Variants in TRIP13 observed in about 807,000 individuals in gnomAD.
TRIP13 encodes the protein pachytene checkpoint protein 2 homolog.
Under a neutral mutation model 54.4 loss-of-function variants are expected in TRIP13, and 25 were observed. That is an observed-to-expected ratio of 0.46 (90% CI 0.33 to 0.64). TRIP13 has a LOEUF of 0.64. Among genes scored for constraint, TRIP13 ranks in the 30% least tolerant of loss-of-function variants. The pLI is 0.02. For synonymous variants in TRIP13, 207 were observed against 207.8 expected, an observed-to-expected ratio of 1.00 and a Z score of 0.03; for missense variants, 373 against 534.2, an observed-to-expected ratio of 0.70 and a Z score of 2.97.
At position 901,431 on chromosome 5, in the gene TRIP13, G is replaced by A. The variant is rs1753987729; in HGVS notation, c.535G>A (p.Gly179Ser). The A allele has an allele frequency of 1.2e-6, 2 of 1,613,806 alleles. No homozygotes were observed. The highest frequency in any genetic ancestry group is 2.2e-5 in the East Asian group (1 of 44,880). ...ITWNRVVLLH[G>S]PPGTGKTSLC... ...CTGGAACCGGGTGGTGCTGCTCCACGGTAAATTATGCAGGCTTTTATTTGA... is the reference window on the plus strand; with the variant it reads ...CTGGAACCGGGTGGTGCTGCTCCACAGTAAATTATGCAGGCTTTTATTTGA... The change falls in exon 5 of 13, where the codon GGT becomes AGT. Residue 179 changes from glycine (G) to serine (S), a missense_variant and splice_region_variant. Gly to Ser is a moderately conservative substitution (Grantham distance 56). Coordinates refer to ENST00000166345, the MANE Select transcript of TRIP13 (RefSeq NM_004237.4).
Position 902,950 on chromosome 5 carries a change from C to G in TRIP13, c.536-1198C>G, listed in dbSNP as rs533576362. 5.5e-4 allele frequency among the ~76,000 whole-genome samples: 84 copies of G among 152,302 alleles called. 1 individual carries two copies. Among genetic ancestry groups the G allele is most frequent in the African/African-American group, 1.9e-3 (80 of 41,562 alleles). ...ATATCAGAGACTTTTAGTACTTTCA[C>G]TAATTTGCTACTGCTAGCTAAAAGG... is the stretch of plus-strand genomic sequence containing the variant. On this transcript the variant is annotated intron_variant, in intron 5 of 12. Coordinates refer to ENST00000166345, the MANE Select transcript of TRIP13 (RefSeq NM_004237.4).
In TRIP13 at chr5:908,048, G is replaced by A. The variant is rs557262120; in HGVS notation, c.733G>A (p.Ala245Thr). ...KIQDLIDDKD[A>T]LVFVLIDEVE... ...TCAGGATTTGATTGATGATAAAGAC[G>A]CCCTGGTGTTCGTGCTGATTGATGA... Residue 245 changes from alanine to threonine, a missense_variant, in exon 8 of 13, where the codon GCC becomes ACC. Ala to Thr is a moderately conservative substitution (Grantham distance 58, BLOSUM62 0). Around this residue, in one of 4 missense-constraint regions of TRIP13, gnomAD observed 119 missense variants for 223.0 expected, o/e 0.53. Coordinates refer to ENST00000166345, the MANE Select transcript of TRIP13 (RefSeq NM_004237.4). This position sits in a 1 kb window ranked among gnomAD's most constrained non-coding sequence, Gnocchi z 5.2. 21 of 1,614,182 alleles carry A rather than the reference G, an allele frequency of 1.3e-5. No homozygotes were observed. Among genetic ancestry groups the A allele is most frequent in the East Asian group, 6.7e-5 (3 of 44,876 alleles).
intron 3 of TRIP13, 57 bp from the exon 4 acceptor site, chr5:900,437 G>T: frequency 6.4e-7 from 1 of 1,569,340 alleles, no homozygotes; most frequent in South Asian, 1.1e-5. Flanking sequence ...GACTGACTGG[G>T]GGTGGCTGTA....
At chr5:895,651 G>A (rs1052312254) in intron 2 of TRIP13, among the ~76,000 whole-genome samples, 6 of 152,304 alleles carry the variant, frequency 3.9e-5, no homozygotes, top group South Asian at 2.1e-4. Context: ...TGATAATGCC[G>A]TGGTTTTGGC....
chr5:905,074 T>G (rs1369035643), intron 6 of TRIP13, among the ~76,000 whole-genome samples: 1 of 151,404 alleles, frequency 6.6e-6, no homozygotes, highest in Non-Finnish European at 1.5e-5. Flanking sequence ...GTTCCTTTAG[T>G]GAGTGTTAGA....
chr5:914,548 A>G lies in TRIP13; in HGVS notation c.1104A>G (p.Lys368=), dbSNP rs1471013875. ...GCTTCATTGAAAACAACGTGTCAAA[A>G]TTGAGCCTTCTTTTGAATGACATTT... ...MIGFIENNVS[K]LSLLLNDISR... The change falls in exon 11 of 13, where the codon AAA becomes AAG. Residue 368 remains lysine, a synonymous_variant. Coordinates refer to ENST00000166345, the MANE Select transcript of TRIP13 (RefSeq NM_004237.4). 1.2e-6 allele frequency: 2 copies of G among 1,613,688 alleles called. No homozygotes were observed. The highest frequency in any genetic ancestry group is 3.3e-5 in the Admixed American group (2 of 60,022).
chr5:901,104 C>T (rs1753977550), intron 4 of TRIP13, among the ~76,000 whole-genome samples: 1 of 152,154 alleles, frequency 6.6e-6, no homozygotes, highest in Non-Finnish European at 1.5e-5. Flanking sequence ...TAAAAGTGAT[C>T]ATTTTGTTGC....
chr5:896,121 G>A (rs186063215), intron 2 of TRIP13, among the ~76,000 whole-genome samples: 267 of 152,298 alleles, frequency 1.8e-3, no homozygotes, highest in African/African-American at 5.9e-3. Flanking sequence ...AGAATGGCCC[G>A]GGGATCATAG....
In TRIP13 at chr5:915,120, G is replaced by T. The variant is rs966608143; in HGVS notation, c.1133+543G>T. 8.5e-5 allele frequency among the ~76,000 whole-genome samples: 13 copies of T among 152,150 alleles called. No individual in the cohort carries two copies. Among genetic ancestry groups the T allele is most frequent in the Admixed American group, 8.5e-4 (13 of 15,288 alleles). On this transcript the variant is annotated intron_variant, in intron 11 of 12. Transcript: ENST00000166345. This position sits in a 1 kb window ranked among gnomAD's most constrained non-coding sequence, Gnocchi z 4.2. Reference sequence around the variant, plus strand: ...GAGTTTGAATTTTATTTTGAAGTTGGCAAGAATGTGGAAGGCTTTAAACAA... The same window carrying T: ...GAGTTTGAATTTTATTTTGAAGTTGTCAAGAATGTGGAAGGCTTTAAACAA...
Position 911,407 on chromosome 5 carries a change from T to C in TRIP13, c.867-436T>C, listed in dbSNP as rs1031118655. ...TAACACGGTGAAACCCCGTCTCCAC[T>C]AAAAATACAAAAAATTAGCCGGGCA... On this transcript the variant is annotated intron_variant, in intron 9 of 12. Transcript: ENST00000166345. This position sits in a 1 kb window ranked among gnomAD's most constrained non-coding sequence, Gnocchi z 4.7. Among the ~76,000 whole-genome samples, 1 of 151,512 alleles carries C rather than the reference T, an allele frequency of 6.6e-6. No homozygotes were observed. Among genetic ancestry groups the C allele is most frequent in the Non-Finnish European group, 1.5e-5 (1 of 67,876 alleles).
In TRIP13 at chr5:896,733, T is replaced by C. The variant is rs750687576; in HGVS notation, c.327T>C (p.Ser109=). The C allele has an allele frequency of 6.2e-7, 1 of 1,613,892 alleles. No individual in the cohort carries two copies. Among genetic ancestry groups the C allele is most frequent in the Non-Finnish European group, 8.5e-7 (1 of 1,179,874 alleles). Residue 109 remains serine, a synonymous_variant, in exon 3 of 13, where the codon AGT becomes AGC. Transcript: ENST00000166345. ...AGCTGAATGAAGATGGCCCCAGCAG[T>C]GAAAATCTGGAGGAAGAGACAGAAA... ...IFQLNEDGPS[S]ENLEEETENI...
At chr5:893,537 T>G in intron 1 of TRIP13, 1 of 192,098 alleles carries the variant, frequency 5.2e-6, no homozygotes, top group Non-Finnish European at 1.1e-5. Flanking sequence ...ATTGTTCCCG[T>G]TCCTCACGGA....
intron 6 of TRIP13, among the ~76,000 whole-genome samples, chr5:906,147 G>A (rs1477541635): frequency 6.6e-6 from 1 of 152,168 alleles, no homozygotes; most frequent in Non-Finnish European, 1.5e-5. Context: ...AGGAGGTCCA[G>A]GCTGTGGTGA....
intron 5 of TRIP13, 99 bp from the exon 6 acceptor site, chr5:904,047 CTG>C: frequency 9.4e-7 from 1 of 1,066,698 alleles, no homozygotes. Context: ...TAGCTTTTAA[CTG>C]TATTCCTTAT....
At chr5:895,032 A>T (rs1753885787) in intron 2 of TRIP13, 80 bp downstream of exon 2, 2 of 1,453,658 alleles carry the variant, frequency 1.4e-6, no homozygotes, top group Non-Finnish European at 1.8e-6. Context: ...CCGTTTTCAT[A>T]GCCTGTTGTC....
At position 908,047 on chromosome 5, in the gene TRIP13, C is replaced by T. The variant is rs183763272; in HGVS notation, c.732C>T (p.Asp244=). ...TTCAGGATTTGATTGATGATAAAGACGCCCTGGTGTTCGTGCTGATTGATG... is the reference window on the plus strand; with the variant it reads ...TTCAGGATTTGATTGATGATAAAGATGCCCTGGTGTTCGTGCTGATTGATG... ...QKIQDLIDDK[D]ALVFVLIDEV... Residue 244 remains aspartate, a synonymous_variant, in exon 8 of 13, where the codon GAC becomes GAT. Coordinates refer to ENST00000166345, the MANE Select transcript of TRIP13 (RefSeq NM_004237.4). This position sits in a 1 kb window ranked among gnomAD's most constrained non-coding sequence, Gnocchi z 5.2. 3.1e-4 allele frequency: 501 copies of T among 1,614,192 alleles called. 2 individuals carry two copies. The highest frequency in any genetic ancestry group is 3.8e-4 in the South Asian group (35 of 91,086).
rs1320497288 is a variant in TRIP13, at chr5:912,045, T to G, written c.1020+49T>G. 1.9e-6 allele frequency: 3 copies of G among 1,575,808 alleles called. No homozygotes were observed. The Admixed American group carries it at 5.8e-5, about 30-fold the overall frequency. On this transcript the variant is annotated intron_variant, in intron 10 of 12. Coordinates refer to ENST00000166345, the MANE Select transcript of TRIP13 (RefSeq NM_004237.4). The surrounding 1 kb of genome is among the most constrained non-coding windows in gnomAD (Gnocchi z 7.2). ...TTGATACAAATGGATTTCTTATATG[T>G]TCTTAATTAATTAAGATAGCTTAAA...
chr5:915,828 G>C lies in TRIP13; in HGVS notation c.1134-76G>C. The C allele has an allele frequency of 6.6e-7, 1 of 1,526,104 alleles. No homozygotes were observed. Among genetic ancestry groups the C allele is most frequent in the Non-Finnish European group, 9.1e-7 (1 of 1,100,752 alleles). 94.5% of individuals were successfully genotyped at this position (1,526,104 alleles called of 1,614,324 possible). The stretch of plus-strand genomic sequence containing the variant: ...CGGCTTGTGTTCCCAGGGATGCCTC[G>C]GCCAATGAGGAAAATTAGTCCTGAA... On this transcript the variant is annotated intron_variant, in intron 11 of 12. Transcript: ENST00000166345. The surrounding 1 kb of genome is among the most constrained non-coding windows in gnomAD (Gnocchi z 4.2).
In TRIP13 at chr5:908,207, C is replaced by A; in HGVS notation, c.759+133C>A. On this transcript the variant is annotated intron_variant, in intron 8 of 12. Coordinates refer to ENST00000166345, the MANE Select transcript of TRIP13 (RefSeq NM_004237.4). This position sits in a 1 kb window ranked among gnomAD's most constrained non-coding sequence, Gnocchi z 5.2. Reference sequence around the variant, plus strand: ...CCTCTATCCCTCCCTGCACTGTGCGCCTTTCCACCTTGCCGCAGCATCCGC... The same window carrying A: ...CCTCTATCCCTCCCTGCACTGTGCGACTTTCCACCTTGCCGCAGCATCCGC... 7.3e-7 allele frequency: 1 copy of A among 1,369,052 alleles called. No individual in the cohort carries two copies. The allele number at this position is 1,369,052 out of a possible 1,614,324, so 84.8% of individuals were successfully genotyped here.
Sources: allele counts gnomAD v4.1 joint callset (sites outside exome capture counted in the v4.1 genomes callset), GRCh38; gene constraint gnomAD v4.1.1; regional missense constraint gnomAD v4.1.1; non-coding constraint Gnocchi (gnomAD v3.1); transcripts MANE v1.5; gene names NCBI Gene and HGNC (gene_info 2026-07-23, HGNC 2026-07-21).